APBA1: variants seen among roughly 807,000 people sequenced by gnomAD.
APBA1 encodes the protein amyloid-beta A4 precursor protein-binding family A member 1.
In APBA1, 55 loss-of-function variants were observed where a neutral mutation model predicts 86.6. The observed-to-expected ratio is 0.64, with a 90% CI of 0.51 to 0.80. The LOEUF (loss-of-function observed/expected upper bound fraction) is 0.80. APBA1 is among the 30% of genes least tolerant of loss of function. The pLI, the probability that APBA1 is intolerant of heterozygous loss-of-function variation, is 0.00. For synonymous variants in APBA1, 511 were observed against 493.9 expected (o/e 1.03, Z -0.46); for missense variants, 1,090 against 1,183.0 (o/e 0.92, Z 1.15).
intron 1 of APBA1, among the ~76,000 whole-genome samples, chr9:69,534,335 C>A (rs1836476546): frequency 6.6e-6 from 1 of 152,124 alleles, no homozygotes; most frequent in Non-Finnish European, 1.5e-5. Flanking sequence ...CTAGCTGGGA[C>A]CATGGTTAGT....
At chr9:69,437,261 G>A (rs1342248414) in intron 11 of APBA1, among the ~76,000 whole-genome samples, 7 of 151,592 alleles carry the variant, frequency 4.6e-5, no homozygotes, top group South Asian at 2.1e-4. Flanking sequence ...GTCTCTGCCC[G>A]GCTTTGGTAT....
chr9:69,611,660 TG>T (rs1822591107), intron 1 of APBA1, among the ~76,000 whole-genome samples: 1 of 152,242 alleles, frequency 6.6e-6, no homozygotes, highest in African/African-American at 2.4e-5. Flanking sequence ...TGGATCCAAC[TG>T]TCTTATCAAC....
At chr9:69,656,862 G>T (rs1411855223) in intron 1 of APBA1, among the ~76,000 whole-genome samples, 4 of 130,392 alleles carry the variant, frequency 3.1e-5, no homozygotes, top group Admixed American at 9.0e-5. Flanking sequence ...TTTTTGAGAC[G>T]GAGTCTCGCT....
At chr9:69,561,122 T>C (rs1836940146) in intron 1 of APBA1, among the ~76,000 whole-genome samples, 1 of 152,162 alleles carries the variant, frequency 6.6e-6, no homozygotes, top group Admixed American at 6.6e-5. Context: ...CAGGGTTTGG[T>C]GAAAATCCTT....
intron 1 of APBA1, among the ~76,000 whole-genome samples, chr9:69,530,325 TATATACACAC>T (rs1276916875): frequency 2.8e-4 from 26 of 93,860 alleles, no homozygotes; most frequent in Admixed American, 9.2e-4. Context: ...TATATATATA[TATATACACAC>T]ACACACACAC....
chr9:69,515,685 G>A (rs1836124406), intron 2 of APBA1, among the ~76,000 whole-genome samples: 1 of 42,904 alleles, frequency 2.3e-5, no homozygotes. Flanking sequence ...TTCTGAATCA[G>A]AAACTGGGGG....
chr9:69,482,622 G>C (rs1378715380), intron 2 of APBA1, among the ~76,000 whole-genome samples: 3 of 151,016 alleles, frequency 2.0e-5, no homozygotes, highest in Admixed American at 6.6e-5. Flanking sequence ...CCCATTACTG[G>C]GTATATACCC....
intron 2 of APBA1, among the ~76,000 whole-genome samples, chr9:69,492,572 A>G (rs1356703639): frequency 2.0e-5 from 3 of 152,130 alleles, no homozygotes; most frequent in African/African-American, 7.2e-5. Flanking sequence ...AGAAGAGCTC[A>G]TTACTGGCTA....
At chr9:69,553,148 T>C (rs1235195669) in intron 1 of APBA1, among the ~76,000 whole-genome samples, 5 of 152,194 alleles carry the variant, frequency 3.3e-5, no homozygotes, top group Non-Finnish European at 1.5e-5. Context: ...TCAATTGATC[T>C]GCCTGCCTCG....
At chr9:69,598,264 CACACTCTGGGGACTGTGGTGGGGT>C (rs1822272777) in intron 1 of APBA1, among the ~76,000 whole-genome samples, 1 of 151,208 alleles carries the variant, frequency 6.6e-6, no homozygotes, top group African/African-American at 2.4e-5. Flanking sequence ...AGGGGAATAT[CACACTCTGGGGACTGTGGTGGGGT>C]GGGGGCACGG....
chr9:69,626,344 G>C (rs202084891), intron 1 of APBA1, among the ~76,000 whole-genome samples: 5 of 134,456 alleles, frequency 3.7e-5, no homozygotes, highest in Non-Finnish European at 8.2e-5. Context: ...TTGTTTGTTT[G>C]TTTTTGGCTT....
At chr9:69,439,485 C>G (rs1333966618) in intron 11 of APBA1, among the ~76,000 whole-genome samples, 2 of 151,026 alleles carry the variant, frequency 1.3e-5, no homozygotes, top group African/African-American at 2.4e-5. Context: ...ATCTATCTAT[C>G]TTTTTATTCT....
At position 69,516,635 on chromosome 9, in the gene APBA1, G is replaced by A. The variant is rs777856133; in HGVS notation, c.576C>T (p.Gly192=). Residue 192 remains glycine, a synonymous_variant, in exon 2 of 13, where the codon GGC becomes GGT. Coordinates refer to ENST00000265381, the MANE Select transcript of APBA1 (RefSeq NM_001163.4). This position sits in a 1 kb window ranked among gnomAD's most constrained non-coding sequence, Gnocchi z 7.3. ...TCTCCTCGTACACGTGCTCCTGGAG[G>A]CCGCCGTAGTCGGCATAGGGCTCGG... ...PYSEPYADYG[G]LQEHVYEEIG... 9 of 1,608,100 alleles carry A rather than the reference G, an allele frequency of 5.6e-6. No individual in the cohort carries two copies. Among genetic ancestry groups the A allele is most frequent in the African/African-American group, 1.3e-5 (1 of 74,898 alleles).
At chr9:69,538,870 TC>T (rs1001145904) in intron 1 of APBA1, among the ~76,000 whole-genome samples, 1 of 152,202 alleles carries the variant, frequency 6.6e-6, no homozygotes, top group Non-Finnish European at 1.5e-5. Context: ...CCAATCGGGC[TC>T]CCATCCCTTC....
intron 2 of APBA1, among the ~76,000 whole-genome samples, chr9:69,505,855 T>TA (rs1835952146): frequency 1.3e-5 from 2 of 151,508 alleles, no homozygotes; most frequent in Non-Finnish European, 2.9e-5. Flanking sequence ...CCGTCTCTAC[T>TA]AAAAAATACA....
chr9:69,543,900 G>C (rs1007305727), intron 1 of APBA1, among the ~76,000 whole-genome samples: 2 of 152,312 alleles, frequency 1.3e-5, no homozygotes, highest in South Asian at 2.1e-4. Flanking sequence ...ATTCAAAGGA[G>C]TATTTTGCAC....
rs556353553 is a variant in APBA1, at chr9:69,519,794, T to C, written c.-69-2515A>G. ...AGCTTGATGAAAATCTATTGACATA[T>C]GTATTAAAAAGAAATTTTAGCTTAT... On this transcript the variant is annotated intron_variant, in intron 1 of 12. Transcript: ENST00000265381. Among the ~76,000 whole-genome samples, 173 of 152,320 alleles carry C rather than the reference T, an allele frequency of 1.1e-3. 1 individual carries two copies. Among genetic ancestry groups the C allele is most frequent in the African/African-American group, 3.9e-3 (163 of 41,578 alleles).
intron 1 of APBA1, among the ~76,000 whole-genome samples, chr9:69,642,454 A>T (rs1416480160): frequency 6.6e-6 from 1 of 152,186 alleles, no homozygotes; most frequent in Non-Finnish European, 1.5e-5. Context: ...TGAAAATTCC[A>T]AGTGTTGACA....
chr9:69,498,825 T>C (rs1378297510), intron 2 of APBA1, among the ~76,000 whole-genome samples: 1 of 152,170 alleles, frequency 6.6e-6, no homozygotes, highest in Non-Finnish European at 1.5e-5. Context: ...CTTATTCCTT[T>C]ATGTAGCTAG....
Sources: gnomAD v4.1 joint callset for allele counts (sites outside exome capture counted in the v4.1 genomes callset) on GRCh38, gnomAD v4.1.1 for gene constraint, Gnocchi (gnomAD v3.1) non-coding constraint, MANE v1.5 for transcripts, NCBI Gene and HGNC (gene_info 2026-07-23, HGNC 2026-07-21) for gene names.